MID2: variants seen among roughly 807,000 people sequenced by gnomAD.
MID2 encodes probable E3 ubiquitin-protein ligase MID2.
In MID2, 13 loss-of-function variants were observed where a neutral mutation model predicts 46.1. The ratio of observed to expected loss-of-function variants is 0.28; its 90% CI spans 0.18 to 0.45. The LOEUF is 0.45. Among genes scored for constraint, MID2 ranks in the 20% least tolerant of loss-of-function variants. The pLI, the probability that MID2 is intolerant of heterozygous loss-of-function variation, is 1.00. For synonymous variants in MID2, 199 were observed against 212.3 expected (o/e 0.94, Z 0.55); for missense variants, 431 against 575.4 (o/e 0.75, Z 2.57).
At chrX:107,861,789 A>C (rs964919947) in intron 3 of MID2, among the ~76,000 whole-genome samples, 1 of 112,480 alleles carries the variant, frequency 8.9e-6, no homozygotes, top group African/African-American at 3.2e-5. Context: ...TAACAGTAGG[A>C]ATCACTAGAT....
intron 1 of MID2, among the ~76,000 whole-genome samples, chrX:107,834,478 C>T (rs1259245452): frequency 8.9e-6 from 1 of 112,353 alleles, no homozygotes; most frequent in Non-Finnish European, 1.9e-5. Flanking sequence ...TTAGCATACT[C>T]TCTAACTCTG....
intron 1 of MID2, among the ~76,000 whole-genome samples, chrX:107,828,607 A>G (rs1471835275): frequency 8.9e-6 from 1 of 111,883 alleles, no homozygotes; most frequent in Non-Finnish European, 1.9e-5. Flanking sequence ...TGCCCAGCCT[A>G]CCTCTTTTAT....
In MID2 at chrX:107,924,334, A is replaced by G; in HGVS notation, c.1436-9A>G. 8.3e-7 allele frequency: 1 copy of G among 1,198,196 alleles called. No individual in the cohort carries two copies. Among genetic ancestry groups the G allele is most frequent in the South Asian group, 1.8e-5 (1 of 55,087 alleles). On this transcript the variant is annotated splice_polypyrimidine_tract_variant and intron_variant, in intron 7 of 9. Transcript: ENST00000262843. ...CTGGTTAATGTCCTTGTCTTTCCCC[A>G]TGTTACAGGCCTGTATAATTCAGTA... is the stretch of plus-strand genomic sequence containing the variant.
Position 107,927,025 on chromosome X carries a change from C to T in MID2, c.2160C>T (p.Cys720=). 8.3e-7 allele frequency: 1 copy of T among 1,210,362 alleles called. No homozygotes were observed. Among genetic ancestry groups the T allele is most frequent in the African/African-American group, 1.7e-5 (1 of 57,737 alleles). ...IDYPERQECN[C]RPQESPYVSG... ...ACCCTGAGCGGCAGGAATGCAACTG[C>T]AGGCCTCAAGAATCCCCTTATGTTT... The change falls in exon 10 of 10, where the codon TGC becomes TGT. Residue 720 remains cysteine, a synonymous_variant. Transcript: ENST00000262843.
At chrX:107,840,415 TAATC>T (rs1931313539) in intron 1 of MID2, among the ~76,000 whole-genome samples, 1 of 112,184 alleles carries the variant, frequency 8.9e-6, no homozygotes, top group African/African-American at 3.2e-5. Flanking sequence ...ATGGTAATGT[TAATC>T]AGTCTATCAG....
chrX:107,848,227 G>T (rs1386776756), intron 2 of MID2, among the ~76,000 whole-genome samples: 3 of 110,774 alleles, frequency 2.7e-5, no homozygotes, highest in Non-Finnish European at 5.7e-5. Flanking sequence ...AGAGAAAGAG[G>T]GGGATGTGTA....
chrX:107,854,425 C>T (rs1931697688), intron 2 of MID2, among the ~76,000 whole-genome samples, 184 bp from the exon 3 acceptor site: 1 of 112,377 alleles, frequency 8.9e-6, no homozygotes, highest in South Asian at 3.7e-4. Flanking sequence ...CAATAGTGAG[C>T]AAATGTGCAG....
intron 3 of MID2, among the ~76,000 whole-genome samples, chrX:107,883,287 A>T (rs1932369007): frequency 9.0e-6 from 1 of 111,237 alleles, no homozygotes; most frequent in African/African-American, 3.3e-5. Context: ...CCACCATGGC[A>T]CGTGTATACC....
chrX:107,892,893 C>T (rs1236912506), intron 3 of MID2, among the ~76,000 whole-genome samples: 3 of 112,639 alleles, frequency 2.7e-5, no homozygotes, highest in African/African-American at 6.4e-5. Context: ...TTGTAGCACT[C>T]CTCAAACAGG....
At chrX:107,904,245 G>A (rs1417275032) in intron 4 of MID2, among the ~76,000 whole-genome samples, 180 bp downstream of exon 4, 1 of 111,947 alleles carries the variant, frequency 8.9e-6, no homozygotes, top group Non-Finnish European at 1.9e-5. Context: ...CCATTCTGGG[G>A]TGTTAGAAAC....
At chrX:107,898,172 G>C (rs1932760931) in intron 3 of MID2, among the ~76,000 whole-genome samples, 1 of 111,386 alleles carries the variant, frequency 9.0e-6, no homozygotes, top group South Asian at 3.8e-4. Context: ...AATTCTTAAG[G>C]TGTTACTATA....
At chrX:107,847,117 A>G (rs897753002) in intron 2 of MID2, among the ~76,000 whole-genome samples, 9 of 112,498 alleles carry the variant, frequency 8.0e-5, no homozygotes, top group African/African-American at 2.3e-4. Context: ...AGAACTGACA[A>G]TAACTTAAAC....
chrX:107,830,554 A>G (rs1422883204), intron 1 of MID2, among the ~76,000 whole-genome samples: 2 of 112,433 alleles, frequency 1.8e-5, no homozygotes, highest in African/African-American at 3.2e-5. Context: ...TACTGGATAT[A>G]CAACAGTTTT....
intron 2 of MID2, 80 bp from the exon 3 acceptor site, chrX:107,854,529 T>G: frequency 5.8e-6 from 4 of 693,186 alleles, no homozygotes; most frequent in Non-Finnish European, 9.2e-6. Flanking sequence ...GATTTTCACA[T>G]GACATTGGTT....
intron 3 of MID2, among the ~76,000 whole-genome samples, chrX:107,883,334 A>G (rs888398224): frequency 2.7e-5 from 3 of 111,609 alleles, no homozygotes; most frequent in Admixed American, 9.5e-5. Flanking sequence ...CATGTACCCC[A>G]GAACTTAAAG....
At chrX:107,888,226 A>G (rs1174017539) in intron 3 of MID2, among the ~76,000 whole-genome samples, 1 of 111,578 alleles carries the variant, frequency 9.0e-6, no homozygotes, top group East Asian at 2.8e-4. Flanking sequence ...TAGGGTGTCA[A>G]TTTCAGATCT....
intron 1 of MID2, 39 bp downstream of exon 1, chrX:107,826,469 C>A: frequency 8.9e-7 from 1 of 1,124,907 alleles, no homozygotes; most frequent in Non-Finnish European, 1.2e-6. Flanking sequence ...GGAGGTCGAG[C>A]GTCGTAGCCC....
chrX:107,919,688 A>G (rs1408111532), intron 7 of MID2, among the ~76,000 whole-genome samples: 1 of 111,275 alleles, frequency 9.0e-6, no homozygotes, highest in Non-Finnish European at 1.9e-5. Context: ...TGAATGTAGT[A>G]CTCCCAAAGT....
At chrX:107,857,480 C>T (rs954729111) in intron 3 of MID2, among the ~76,000 whole-genome samples, 1 of 111,592 alleles carries the variant, frequency 9.0e-6, no homozygotes, top group Non-Finnish European at 1.9e-5. Context: ...GCGGTTTCAC[C>T]GTGTTGCCCA....
Sources: gnomAD v4.1 joint callset for allele counts (sites outside exome capture counted in the v4.1 genomes callset) on GRCh38, gnomAD v4.1.1 for gene constraint, MANE v1.5 for transcripts, NCBI Gene and HGNC (gene_info 2026-07-23, HGNC 2026-07-21) for gene names.